Variants in ADGB observed in about 807,000 individuals in gnomAD.
The protein encoded by ADGB is calpain-7-like protein.
ADGB carries 172 observed loss-of-function variants against 210.5 expected under a neutral mutation model. The ratio of observed to expected loss-of-function variants is 0.82; its 90% CI spans 0.72 to 0.93. ADGB has a LOEUF of 0.93. Among genes scored for constraint, ADGB ranks in the 40% least tolerant of loss-of-function variants. The pLI is 0.00. For missense variants in ADGB, 2,025 were observed against 1,964.8 expected, an observed-to-expected ratio of 1.03 and a Z score of -0.58; for synonymous variants, 658 against 662.7, an observed-to-expected ratio of 0.99 and a Z score of 0.11.
intron 25 of ADGB, among the ~76,000 whole-genome samples, chr6:146,743,691 G>T (rs545442283): frequency 6.6e-6 from 1 of 152,266 alleles, no homozygotes; most frequent in South Asian, 2.1e-4. Context: ...AGGTGGGTGG[G>T]TCATCTGAGG....
chr6:146,656,623 C>T, intron 4 of ADGB, 148 bp from the exon 5 acceptor site: 1 of 569,886 alleles, frequency 1.8e-6, no homozygotes, highest in Non-Finnish European at 2.9e-6. Context: ...TAACTTTATT[C>T]TGTAGATCAG....
intron 17 of ADGB, among the ~76,000 whole-genome samples, chr6:146,723,979 G>A (rs1275128027): frequency 3.3e-5 from 5 of 152,186 alleles, no homozygotes; most frequent in African/African-American, 9.6e-5. Flanking sequence ...TTGTTACAAG[G>A]AAGAATATTG....
intron 2 of ADGB, 39 bp downstream of exon 2, chr6:146,635,576 T>C: frequency 3.4e-6 from 5 of 1,462,244 alleles, no homozygotes; most frequent in Non-Finnish European, 4.5e-6. Flanking sequence ...CATTTTGGTT[T>C]TTAATTTTAT....
chr6:146,603,480 G>A (rs1358234304), intron 1 of ADGB, among the ~76,000 whole-genome samples: 2 of 152,024 alleles, frequency 1.3e-5, no homozygotes, highest in African/African-American at 4.8e-5. Flanking sequence ...CTTGAGATAG[G>A]GACACAATTT....
intron 6 of ADGB, among the ~76,000 whole-genome samples, chr6:146,664,723 T>C (rs925086678): frequency 6.6e-6 from 1 of 152,144 alleles, no homozygotes; most frequent in South Asian, 2.1e-4. Flanking sequence ...TTAGGTTCTG[T>C]ATATGCAGCA....
At chr6:146,756,551 C>T (rs1419722312) in intron 27 of ADGB, among the ~76,000 whole-genome samples, 1 of 151,916 alleles carries the variant, frequency 6.6e-6, no homozygotes, top group African/African-American at 2.4e-5. Flanking sequence ...TAGTTTCTCC[C>T]TATTTCATTC....
At chr6:146,751,386 T>C (rs1365296727) in intron 26 of ADGB, among the ~76,000 whole-genome samples, 2 of 151,970 alleles carry the variant, frequency 1.3e-5, no homozygotes, top group Non-Finnish European at 2.9e-5. Context: ...ATCATTGATG[T>C]GTGTTTGGGT....
chr6:146,750,098 T>G (rs1777298842), intron 26 of ADGB, among the ~76,000 whole-genome samples: 3 of 152,150 alleles, frequency 2.0e-5, no homozygotes. Context: ...TCTTCTCAGG[T>G]GCTGAGCTGG....
intron 12 of ADGB, among the ~76,000 whole-genome samples, chr6:146,700,060 T>C (rs1303092642): frequency 1.3e-5 from 2 of 152,244 alleles, no homozygotes; most frequent in South Asian, 2.1e-4. Context: ...ATCAGAGATA[T>C]GTGGATGGCA....
At chr6:146,807,786 A>G in intron 35 of ADGB, 1 of 406,372 alleles carries the variant, frequency 2.5e-6, no homozygotes, top group Admixed American at 4.4e-5. Flanking sequence ...TCTAATTTCA[A>G]TAAAATAGCT....
At chr6:146,781,485 C>T (rs115349475) in intron 29 of ADGB, among the ~76,000 whole-genome samples, 4 of 147,008 alleles carry the variant, frequency 2.7e-5, no homozygotes, top group African/African-American at 5.0e-5. Context: ...AAAAAAAAAC[C>T]GAGGATGCAG....
intron 2 of ADGB, among the ~76,000 whole-genome samples, chr6:146,636,632 G>A (rs756388420): frequency 6.6e-6 from 1 of 151,782 alleles, no homozygotes; most frequent in East Asian, 1.9e-4. Flanking sequence ...GTGGGTGGGT[G>A]TGGGTGTGTG....
rs1562309584 is a variant in ADGB at position 146,815,122 on chromosome 6, ACT to A, written c.4912_4913del (p.Leu1638GlyfsTer19). 6.5e-7 allele frequency: 1 copy of A among 1,548,108 alleles called. No individual in the cohort carries two copies. The highest frequency in any genetic ancestry group is 8.7e-7 in the Non-Finnish European group (1 of 1,146,112). On this transcript the variant is annotated frameshift_variant, in exon 36 of 36. Coordinates refer to ENST00000397944, the MANE Select transcript of ADGB (RefSeq NM_024694.4). LOFTEE classifies it low-confidence loss of function (END_TRUNC). The part of the protein sequence containing the change: ...LLEAEHLKLE[T>X]LAAQEAAMKL... Reference sequence around the variant, plus strand: ...GGAAGCTGAGCACCTAAAGCTGGAAACTCTGGCTGCTCAGGAAGCAGCCATGA... The same window carrying A: ...GGAAGCTGAGCACCTAAAGCTGGAAACTGGCTGCTCAGGAAGCAGCCATGA...
chr6:146,686,310 C>A (rs892922926), intron 10 of ADGB, among the ~76,000 whole-genome samples: 6 of 151,928 alleles, frequency 3.9e-5, no homozygotes, highest in African/African-American at 1.2e-4. Context: ...TAATTGTTTT[C>A]TTATACATTT....
intron 29 of ADGB, among the ~76,000 whole-genome samples, chr6:146,776,788 A>G (rs1470927409): frequency 6.6e-6 from 1 of 152,070 alleles, no homozygotes; most frequent in African/African-American, 2.4e-5. Context: ...ACCAGATATG[A>G]TCCTATTTTA....
Position 146,717,929 on chromosome 6 carries a change from A to G in ADGB, c.1992+330A>G, listed in dbSNP as rs187142628. On this transcript the variant is annotated intron_variant, in intron 16 of 35. Coordinates refer to ENST00000397944, the MANE Select transcript of ADGB (RefSeq NM_024694.4). ...TGGTTTCAATTAGTATTTATTGAAT[A>G]GTGTATGTTTCCTAAAACATAAGGA... is the stretch of plus-strand genomic sequence containing the variant. Among the ~76,000 whole-genome samples the G allele has an allele frequency of 2.8e-4, 42 of 152,334 alleles. No individual in the cohort carries two copies. The East Asian group carries it at 6.4e-3, about 23-fold the overall frequency.
chr6:146,625,227 T>C (rs1780955195), intron 1 of ADGB, among the ~76,000 whole-genome samples: 1 of 152,122 alleles, frequency 6.6e-6, no homozygotes, highest in Admixed American at 6.6e-5. Context: ...TGTTGTTGCT[T>C]CATGTGTTAA....
intron 22 of ADGB, among the ~76,000 whole-genome samples, chr6:146,734,382 C>T (rs1224622043): frequency 6.6e-6 from 1 of 152,238 alleles, no homozygotes; most frequent in Non-Finnish European, 1.5e-5. Context: ...TGTGCTACCT[C>T]AGTCAGCCTC....
intron 10 of ADGB, among the ~76,000 whole-genome samples, chr6:146,688,052 A>T (rs1776256140): frequency 6.6e-6 from 1 of 152,190 alleles, no homozygotes; most frequent in Non-Finnish European, 1.5e-5. Flanking sequence ...TTTATGAATT[A>T]TCTATGATAT....
Sources: gnomAD v4.1 joint callset for allele counts (sites outside exome capture counted in the v4.1 genomes callset) on GRCh38, gnomAD v4.1.1 for gene constraint, MANE v1.5 for transcripts, NCBI Gene and HGNC (gene_info 2026-07-23, HGNC 2026-07-21) for gene names.